Variants in LNP1 observed in about 807,000 individuals in gnomAD.
The protein encoded by LNP1 is leukemia NUP98 fusion partner 1.
A neutral mutation model predicts 14.5 loss-of-function variants in LNP1; 12 were observed. That is an observed-to-expected ratio of 0.83 (90% CI 0.53 to 1.34). The LOEUF is 1.34. LNP1 is among the 40% of genes most tolerant of loss of function. The pLI, the probability that LNP1 is intolerant of heterozygous loss-of-function variation, is 0.00. For missense variants in LNP1, 198 were observed against 210.9 expected (o/e 0.94, Z 0.38); for synonymous variants, 75 against 71.4 (o/e 1.05, Z -0.26).
At chr3:100,446,609 T>C (rs895958630) in intron 2 of LNP1, among the ~76,000 whole-genome samples, 1 of 152,112 alleles carries the variant, frequency 6.6e-6, no homozygotes, top group Admixed American at 6.5e-5. Context: ...TGGGATCTAA[T>C]TAAACTAAAG....
chr3:100,436,852 G>A (rs575896391), intron 2 of LNP1, among the ~76,000 whole-genome samples: 10 of 152,064 alleles, frequency 6.6e-5, no homozygotes, highest in Non-Finnish European at 1.5e-4. Context: ...CTGGCCTAAT[G>A]GGATTAATAT....
At chr3:100,404,571 T>G (rs1330539251) in intron 1 of LNP1, among the ~76,000 whole-genome samples, 1 of 152,242 alleles carries the variant, frequency 6.6e-6, no homozygotes, top group Non-Finnish European at 1.5e-5. Context: ...TCTTCTTCTT[T>G]ATCTTCAATC....
At chr3:100,418,754 C>G (rs918325648) in intron 1 of LNP1, among the ~76,000 whole-genome samples, 3 of 152,014 alleles carry the variant, frequency 2.0e-5, no homozygotes, top group Non-Finnish European at 4.4e-5. Flanking sequence ...TTCCACTCTT[C>G]ACAGTTTCTC....
At chr3:100,427,325 G>C (rs1576230514) in intron 1 of LNP1, among the ~76,000 whole-genome samples, 1 of 152,114 alleles carries the variant, frequency 6.6e-6, no homozygotes, top group Admixed American at 6.5e-5. Flanking sequence ...AAAGGCATCA[G>C]CCAGGCTGCA....
At chr3:100,439,020 A>G (rs901019670) in intron 2 of LNP1, among the ~76,000 whole-genome samples, 1 of 152,178 alleles carries the variant, frequency 6.6e-6, no homozygotes, top group Admixed American at 6.5e-5. Context: ...TCCCAATTAC[A>G]GTTCTCTTTT....
intron 1 of LNP1, among the ~76,000 whole-genome samples, chr3:100,404,848 A>G (rs989284710): frequency 7.0e-5 from 10 of 142,820 alleles, no homozygotes; most frequent in African/African-American, 1.3e-4. Context: ...GCTGGAGTGC[A>G]GTGGTGTGAT....
At position 100,429,828 on chromosome 3, in the gene LNP1, C is replaced by T. The variant is rs753176331; in HGVS notation, c.99C>T (p.Leu33=). The T allele has an allele frequency of 6.2e-7, 1 of 1,613,888 alleles. No homozygotes were observed. The highest frequency in any genetic ancestry group is 8.5e-7 in the Non-Finnish European group (1 of 1,179,934). The change falls in exon 2 of 4, where the codon CTC becomes CTT. Residue 33 remains leucine (L), a synonymous_variant. Coordinates refer to ENST00000383693, the MANE Select transcript of LNP1 (RefSeq NM_001085451.2). The part of the protein sequence containing the change: ...HSWREEDQRG[L]RERHRLQATS... ...GGAGAGAGGAGGATCAGAGAGGACT[C>T]CGGGAACGCCACCGACTGCAAGCCA...
chr3:100,441,003 G>T (rs1246425119), intron 2 of LNP1, among the ~76,000 whole-genome samples: 3 of 152,172 alleles, frequency 2.0e-5, no homozygotes, highest in African/African-American at 7.2e-5. Flanking sequence ...CTGTGCCAGT[G>T]CCTGCGCTAC....
chr3:100,441,308 C>T (rs1707342003), intron 2 of LNP1, among the ~76,000 whole-genome samples: 1 of 152,132 alleles, frequency 6.6e-6, no homozygotes, highest in African/African-American at 2.4e-5. Flanking sequence ...ACATGAAGAC[C>T]AATATCCTGA....
chr3:100,455,067 C>G (rs1707497588), intron 3 of LNP1, among the ~76,000 whole-genome samples: 2 of 152,166 alleles, frequency 1.3e-5, no homozygotes, highest in African/African-American at 4.8e-5. Context: ...AAGCAACCCC[C>G]CCACCCTCCA....
At chr3:100,435,721 T>C (rs1249145409) in intron 2 of LNP1, among the ~76,000 whole-genome samples, 1 of 151,876 alleles carries the variant, frequency 6.6e-6, no homozygotes, top group Admixed American at 6.6e-5. Context: ...CATGCAACAG[T>C]TTATAGGAGG....
chr3:100,405,342 A>C (rs1222861419), intron 1 of LNP1, among the ~76,000 whole-genome samples: 1 of 152,142 alleles, frequency 6.6e-6, no homozygotes, highest in Non-Finnish European at 1.5e-5. Context: ...TATAAGTGAA[A>C]ACTCCTAAGA....
intron 1 of LNP1, among the ~76,000 whole-genome samples, chr3:100,417,511 G>A (rs1394745352): frequency 2.0e-5 from 3 of 151,240 alleles, no homozygotes; most frequent in African/African-American, 7.3e-5. Context: ...AAGTAGCTGG[G>A]ATTACAGGCC....
At chr3:100,418,969 C>G (rs1279217957) in intron 1 of LNP1, among the ~76,000 whole-genome samples, 5 of 152,160 alleles carry the variant, frequency 3.3e-5, no homozygotes, top group Admixed American at 1.3e-4. Context: ...CTCCTGTTCT[C>G]AGGTCTAGAG....
At chr3:100,450,585 C>T (rs951404938) in intron 2 of LNP1, among the ~76,000 whole-genome samples, 1 of 152,138 alleles carries the variant, frequency 6.6e-6, no homozygotes, top group Non-Finnish European at 1.5e-5. Context: ...GATCCCTCCG[C>T]CTTGTCCTCC....
chr3:100,452,523 C>A (rs537238080), intron 3 of LNP1, among the ~76,000 whole-genome samples: 7 of 152,182 alleles, frequency 4.6e-5, no homozygotes, highest in African/African-American at 1.7e-4. Flanking sequence ...TTTCTTGAGC[C>A]TGCTTTCATC....
chr3:100,425,075 T>C (rs1199779262), intron 1 of LNP1, among the ~76,000 whole-genome samples: 1 of 152,226 alleles, frequency 6.6e-6, no homozygotes, highest in South Asian at 2.1e-4. Flanking sequence ...CTGACCTGCA[T>C]GCCTTCTTGG....
intron 2 of LNP1, among the ~76,000 whole-genome samples, chr3:100,434,143 G>T (rs1488385197): frequency 6.6e-6 from 1 of 152,078 alleles, no homozygotes; most frequent in Non-Finnish European, 1.5e-5. Flanking sequence ...ATTTGCCCAC[G>T]CCTATGTCCT....
intron 1 of LNP1, among the ~76,000 whole-genome samples, chr3:100,410,528 G>T (rs943082761): frequency 1.3e-5 from 2 of 152,160 alleles, no homozygotes; most frequent in Non-Finnish European, 2.9e-5. Flanking sequence ...TACCCCTTGG[G>T]TCCTCCTTGC....
Sources: allele counts gnomAD v4.1 joint callset (sites outside exome capture counted in the v4.1 genomes callset), GRCh38; gene constraint gnomAD v4.1.1; transcripts MANE v1.5; gene names NCBI Gene and HGNC (gene_info 2026-07-23, HGNC 2026-07-21).